Variants in MEF2A observed in about 807,000 individuals in gnomAD.
MEF2A encodes the protein myocyte-specific enhancer factor 2A.
A neutral mutation model predicts 55.8 loss-of-function variants in MEF2A; 28 were observed. The ratio of observed to expected loss-of-function variants is 0.50; its 90% CI spans 0.37 to 0.69. The LOEUF (loss-of-function observed/expected upper bound fraction) is 0.69. Among genes scored for constraint, MEF2A ranks in the 30% least tolerant of loss-of-function variants. The pLI, the probability that MEF2A is intolerant of heterozygous loss-of-function variation, is 0.00. For synonymous variants in MEF2A, 239 were observed against 227.1 expected (o/e 1.05, Z -0.47); for missense variants, 528 against 626.2 (o/e 0.84, Z 1.67).
intron 2 of MEF2A, among the ~76,000 whole-genome samples, chr15:99,625,633 T>A (rs1176955483): frequency 6.6e-6 from 1 of 152,166 alleles, no homozygotes; most frequent in Admixed American, 6.5e-5. Context: ...GTATTTATTA[T>A]GATGAAGTAG....
chr15:99,704,560 T>C (rs2057802884), intron 9 of MEF2A, among the ~76,000 whole-genome samples: 1 of 152,230 alleles, frequency 6.6e-6, no homozygotes, highest in African/African-American at 2.4e-5. Flanking sequence ...TACTGCCCTC[T>C]TGTGGTTCTG....
intron 4 of MEF2A, among the ~76,000 whole-genome samples, chr15:99,656,187 C>G (rs2047675889): frequency 6.6e-6 from 1 of 152,046 alleles, no homozygotes; most frequent in African/African-American, 2.4e-5. Context: ...AAGGAACACT[C>G]AGTGTGTAGG....
chr15:99,589,462 C>G (rs910405538), intron 1 of MEF2A, among the ~76,000 whole-genome samples: 2 of 152,034 alleles, frequency 1.3e-5, no homozygotes, highest in African/African-American at 4.8e-5. Flanking sequence ...AAATAACCAA[C>G]TTTAATTGAT....
intron 1 of MEF2A, among the ~76,000 whole-genome samples, chr15:99,574,654 C>T (rs2152770769): frequency 6.6e-6 from 1 of 152,246 alleles, no homozygotes; most frequent in Non-Finnish European, 1.5e-5. Context: ...GTTGATCTGA[C>T]AGGAGGTGGA....
chr15:99,679,840 G>C (rs1266371762), intron 7 of MEF2A, among the ~76,000 whole-genome samples: 4 of 152,004 alleles, frequency 2.6e-5, no homozygotes, highest in African/African-American at 9.7e-5. Flanking sequence ...CAAATATAAA[G>C]GCACTTTTTA....
At chr15:99,565,952 G>C (rs1028429315), upstream of MEF2A, 2 of 152,284 alleles carry the variant, frequency 1.3e-5, no homozygotes, top group African/African-American at 4.8e-5. Context: ...TCTGGCCGAG[G>C]CTTGTCTCCT....
chr15:99,706,847 A>C lies in MEF2A; in HGVS notation c.1001A>C (p.Tyr334Ser). 5 of 1,614,004 alleles carry C rather than the reference A, an allele frequency of 3.1e-6. No individual in the cohort carries two copies. Among genetic ancestry groups the C allele is most frequent in the Non-Finnish European group, 4.2e-6 (5 of 1,179,860 alleles). ...GLVYSAMPTA[Y>S]NTDYSLTSAD... ...GTGTACTCAGCAATGCCGACTGCCT[A>C]CAACACTGGTGAGCCTGCTCTGGTG... The change falls in exon 10 of 12, where the codon TAC (tyrosine) becomes TCC (serine). Residue 334 changes from tyrosine to serine, a missense_variant. By Grantham distance (144) the Tyr-to-Ser change is moderately radical. This residue lies in a region of MEF2A where 450 missense variants were observed against 475.3 expected (regional missense o/e 0.95). Coordinates refer to ENST00000557942, the MANE Select transcript of MEF2A (RefSeq NM_001319206.4).
intron 2 of MEF2A, among the ~76,000 whole-genome samples, chr15:99,604,855 G>A (rs117340082): frequency 6.6e-6 from 1 of 151,966 alleles, no homozygotes; most frequent in Non-Finnish European, 1.5e-5. Context: ...GCCCATTAAG[G>A]TTATATCCTT....
chr15:99,596,566 T>C (rs1234604141), intron 1 of MEF2A, among the ~76,000 whole-genome samples: 1 of 152,228 alleles, frequency 6.6e-6, no homozygotes, highest in East Asian at 1.9e-4. Context: ...TTAATACTGC[T>C]GAATCAGATT....
At chr15:99,590,273 A>G (rs1968804870) in intron 1 of MEF2A, among the ~76,000 whole-genome samples, 1 of 151,844 alleles carries the variant, frequency 6.6e-6, no homozygotes, top group Non-Finnish European at 1.5e-5. Context: ...TTTGTCTGAT[A>G]TTAATATAGG....
intron 1 of MEF2A, among the ~76,000 whole-genome samples, chr15:99,569,162 CAG>C (rs1961000087): frequency 6.6e-6 from 1 of 152,176 alleles, no homozygotes; most frequent in South Asian, 2.1e-4. Context: ...CCACTGCTGA[CAG>C]AGTTGAGATA....
chr15:99,642,848 T>G (rs1664278569), intron 3 of MEF2A, among the ~76,000 whole-genome samples: 4 of 152,204 alleles, frequency 2.6e-5, no homozygotes, highest in Admixed American at 2.6e-4. Flanking sequence ...CTTCTAAATT[T>G]CACCAAATCT....
intron 2 of MEF2A, among the ~76,000 whole-genome samples, chr15:99,603,601 A>G (rs1044820987): frequency 2.4e-5 from 3 of 126,544 alleles, no homozygotes; most frequent in Non-Finnish European, 5.1e-5. Flanking sequence ...GGGTTTTGCC[A>G]TGTTGGCCAG....
chr15:99,683,170 G>A (rs2053557763), intron 7 of MEF2A, among the ~76,000 whole-genome samples: 1 of 152,140 alleles, frequency 6.6e-6, no homozygotes, highest in Non-Finnish European at 1.5e-5. Context: ...TTAACAGGAT[G>A]CAGGAAATTA....
At chr15:99,687,487 A>T (rs2054516375) in intron 7 of MEF2A, among the ~76,000 whole-genome samples, 3 of 152,062 alleles carry the variant, frequency 2.0e-5, no homozygotes, top group Admixed American at 2.0e-4. Flanking sequence ...TTTCCTTCTG[A>T]TGGTCCCTGA....
At chr15:99,571,842 C>T (rs1962443408) in intron 1 of MEF2A, among the ~76,000 whole-genome samples, 1 of 152,120 alleles carries the variant, frequency 6.6e-6, no homozygotes, top group Admixed American at 6.5e-5. Flanking sequence ...TTCCATTTCT[C>T]TTAAGTCCAA....
intron 1 of MEF2A, among the ~76,000 whole-genome samples, chr15:99,595,391 CTT>C (rs1216816643): frequency 6.6e-6 from 1 of 152,004 alleles, no homozygotes; most frequent in Non-Finnish European, 1.5e-5. Context: ...TCATTAAGGA[CTT>C]TTCCACCAAC....
At chr15:99,691,124 T>C (rs2153721926) in intron 8 of MEF2A, among the ~76,000 whole-genome samples, 1 of 138,730 alleles carries the variant, frequency 7.2e-6, no homozygotes, top group East Asian at 2.2e-4. Flanking sequence ...TTTTGAGTCG[T>C]TTTAAGGAGT....
chr15:99,585,340 CGTGA>C (rs1250491536), intron 1 of MEF2A, among the ~76,000 whole-genome samples: 1 of 152,090 alleles, frequency 6.6e-6, no homozygotes, highest in East Asian at 1.9e-4. Context: ...AATCTCGTTT[CGTGA>C]GTGTGTATAA....
Sources: gnomAD v4.1 joint callset for allele counts (sites outside exome capture counted in the v4.1 genomes callset) on GRCh38, gnomAD v4.1.1 for gene constraint, gnomAD v4.1.1 regional missense constraint, MANE v1.5 for transcripts, NCBI Gene and HGNC (gene_info 2026-07-23, HGNC 2026-07-21) for gene names.